MARCHF1: variants seen among roughly 807,000 people sequenced by gnomAD.
MARCHF1 encodes E3 ubiquitin-protein ligase MARCHF1.
In MARCHF1, 40 loss-of-function variants were observed where a neutral mutation model predicts 54.2. The observed-to-expected ratio is 0.74, with a 90% CI of 0.57 to 0.96. The LOEUF (loss-of-function observed/expected upper bound fraction) is 0.96. Among genes scored for constraint, MARCHF1 ranks in the 40% least tolerant of loss-of-function variants. MARCHF1 has a pLI of 0.00. For synonymous variants in MARCHF1, 236 were observed against 236.3 expected (o/e 1.00, Z 0.01); for missense variants, 586 against 656.5 (o/e 0.89, Z 1.17).
intron 4 of MARCHF1, among the ~76,000 whole-genome samples, chr4:163,790,592 G>C (rs1488123742): frequency 6.6e-6 from 1 of 152,090 alleles, no homozygotes; most frequent in Non-Finnish European, 1.5e-5. Flanking sequence ...GAAACTAATA[G>C]TTGAAAGTTC....
chr4:164,220,676 T>C (rs188865976), intron 1 of MARCHF1, among the ~76,000 whole-genome samples: 1 of 142,560 alleles, frequency 7.0e-6, no homozygotes, highest in Admixed American at 7.4e-5. Context: ...GCTATATGTA[T>C]ATATGTAATA....
intron 1 of MARCHF1, among the ~76,000 whole-genome samples, chr4:164,360,489 G>C (rs890588878): frequency 5.9e-5 from 9 of 152,108 alleles, no homozygotes; most frequent in African/African-American, 2.2e-4. Context: ...GCATGGTGAT[G>C]GTATGTGTTC....
At chr4:164,184,564 G>A (rs1730918372) in intron 1 of MARCHF1, among the ~76,000 whole-genome samples, 1 of 152,212 alleles carries the variant, frequency 6.6e-6, no homozygotes, top group African/African-American at 2.4e-5. Flanking sequence ...GTAGCAAGAA[G>A]TCTGCCTAAC....
chr4:163,555,444 T>A (rs566033827), intron 8 of MARCHF1, among the ~76,000 whole-genome samples: 1 of 152,320 alleles, frequency 6.6e-6, no homozygotes, highest in South Asian at 2.1e-4. Flanking sequence ...TCTGAGTTGA[T>A]TAATATCACC....
intron 4 of MARCHF1, among the ~76,000 whole-genome samples, chr4:163,793,860 G>A (rs1747838136): frequency 6.6e-6 from 1 of 152,044 alleles, no homozygotes; most frequent in African/African-American, 2.4e-5. Flanking sequence ...TTAGAGCTGT[G>A]AGCCCTTAAA....
chr4:163,877,693 C>T (rs1404567400), intron 3 of MARCHF1, among the ~76,000 whole-genome samples: 1 of 152,158 alleles, frequency 6.6e-6, no homozygotes. Flanking sequence ...CAATTTACTA[C>T]TCTCCTGCTT....
intron 1 of MARCHF1, among the ~76,000 whole-genome samples, chr4:164,211,329 A>ATGTG (rs755503839): frequency 1.1e-5 from 1 of 88,724 alleles, no homozygotes; most frequent in Non-Finnish European, 2.0e-5. Context: ...GTATGTATGT[A>ATGTG]TGTATATATA....
At chr4:164,266,198 C>A (rs1197289357) in intron 1 of MARCHF1, among the ~76,000 whole-genome samples, 3 of 152,152 alleles carry the variant, frequency 2.0e-5, no homozygotes, top group African/African-American at 4.8e-5. Context: ...ACAAGGGATA[C>A]AATTTCATCT....
chr4:164,188,357 G>C, intron 1 of MARCHF1: 1 of 461,032 alleles, frequency 2.2e-6, no homozygotes, highest in South Asian at 2.2e-5. Flanking sequence ...GCGACGCCCT[G>C]CCTCTGCTGC....
chr4:164,043,653 C>A (rs1754179148), intron 2 of MARCHF1, among the ~76,000 whole-genome samples: 1 of 152,178 alleles, frequency 6.6e-6, no homozygotes, highest in African/African-American at 2.4e-5. Flanking sequence ...CTTATGCAAA[C>A]TTCTACAGCC....
At chr4:163,581,616 T>A (rs1484124055) in intron 8 of MARCHF1, among the ~76,000 whole-genome samples, 1 of 152,232 alleles carries the variant, frequency 6.6e-6, no homozygotes, top group Non-Finnish European at 1.5e-5. Flanking sequence ...GAAAGATGAA[T>A]GCTACATCAA....
At chr4:164,351,706 C>G in intron 1 of MARCHF1, among the ~76,000 whole-genome samples, 1 of 151,906 alleles carries the variant, frequency 6.6e-6, no homozygotes, top group South Asian at 2.1e-4. Flanking sequence ...CAGAGCGCCT[C>G]TCCGCCTCCA....
chr4:163,911,404 T>C (rs1300487042), intron 3 of MARCHF1, among the ~76,000 whole-genome samples: 4 of 152,140 alleles, frequency 2.6e-5, no homozygotes, highest in Non-Finnish European at 5.9e-5. Context: ...AGGAGAGGTG[T>C]GTGCCTGAGT....
chr4:163,945,533 T>C (rs1752007055), intron 3 of MARCHF1, among the ~76,000 whole-genome samples: 1 of 152,202 alleles, frequency 6.6e-6, no homozygotes, highest in Non-Finnish European at 1.5e-5. Context: ...CCTAGGTCTT[T>C]CTGAATTATT....
chr4:164,315,820 C>T (rs1734981860), intron 1 of MARCHF1, among the ~76,000 whole-genome samples: 1 of 152,130 alleles, frequency 6.6e-6, no homozygotes, highest in African/African-American at 2.4e-5. Flanking sequence ...ATCATAGACG[C>T]TTTTAAATAT....
At chr4:164,112,869 G>C (rs150373041) in intron 1 of MARCHF1, among the ~76,000 whole-genome samples, 6,757 of 151,256 alleles carry the variant, frequency 0.045, 206 homozygotes, top group Middle Eastern at 0.14. Flanking sequence ...TTTTAAAATA[G>C]GTCATTGTTA....
intron 4 of MARCHF1, among the ~76,000 whole-genome samples, chr4:163,796,683 A>G (rs1747927904): frequency 6.6e-6 from 1 of 151,918 alleles, no homozygotes; most frequent in African/African-American, 2.4e-5. Flanking sequence ...TCTCCCCATC[A>G]TTGTTCTGGG....
intron 3 of MARCHF1, among the ~76,000 whole-genome samples, chr4:163,926,602 A>G (rs1317646777): frequency 6.6e-6 from 1 of 151,618 alleles, no homozygotes; most frequent in African/African-American, 2.4e-5. Context: ...AACATACCAT[A>G]TGAGAATTCC....
chr4:163,533,184 G>A (rs1260393079), intron 9 of MARCHF1, among the ~76,000 whole-genome samples: 3 of 151,882 alleles, frequency 2.0e-5, no homozygotes, highest in Admixed American at 1.3e-4. Flanking sequence ...AAAGAAATGA[G>A]CTATCAAGCT....
Sources: gnomAD v4.1 joint callset for allele counts (sites outside exome capture counted in the v4.1 genomes callset) on GRCh38, gnomAD v4.1.1 for gene constraint, MANE v1.5 for transcripts, NCBI Gene and HGNC (gene_info 2026-07-23, HGNC 2026-07-21) for gene names.